VPS53: variants seen among roughly 807,000 people sequenced by gnomAD.
VPS53 encodes the protein vacuolar protein sorting-associated protein 53 homolog.
A neutral mutation model predicts 107.0 loss-of-function variants in VPS53; 70 were observed. That is an observed-to-expected ratio of 0.65 (90% CI 0.54 to 0.80). VPS53 has a LOEUF of 0.80. Ranked by LOEUF, VPS53 falls within the 30% of genes least tolerant of loss-of-function variation. VPS53 has a pLI of 0.00. For missense variants in VPS53, 917 were observed against 1,049.4 expected, an observed-to-expected ratio of 0.87 and a Z score of 1.74; for synonymous variants, 409 against 393.3, an observed-to-expected ratio of 1.04 and a Z score of -0.47.
At chr17:566,760 T>C (rs1391236155) in intron 13 of VPS53, among the ~76,000 whole-genome samples, 3 of 152,116 alleles carry the variant, frequency 2.0e-5, no homozygotes, top group African/African-American at 7.2e-5. Context: ...TTGCTTTTTT[T>C]GGAGACGGAG....
At chr17:622,788 C>A (rs1347249578) in intron 11 of VPS53, among the ~76,000 whole-genome samples, 2 of 151,966 alleles carry the variant, frequency 1.3e-5, no homozygotes. Flanking sequence ...GCAGCCTCAA[C>A]TCCTGGGCTG....
At chr17:620,678 ATTTTTT>A (rs67264596) in intron 11 of VPS53, among the ~76,000 whole-genome samples, 7 of 140,200 alleles carry the variant, frequency 5.0e-5, no homozygotes, top group Non-Finnish European at 7.7e-5. Flanking sequence ...TCTACATTCT[ATTTTTT>A]TTTTTTTTTT....
rs1908079660 is a variant in VPS53 at position 513,548 on chromosome 17, G to A, written c.*5580C>T. ...TATTTTATTTTTAGGAATCTGACTTGGAGTAGACGAGAAGTGTGAGACACT... is the reference window on the plus strand; with the variant it reads ...TATTTTATTTTTAGGAATCTGACTTAGAGTAGACGAGAAGTGTGAGACACT... On this transcript the variant is annotated 3_prime_UTR_variant, in exon 22 of 22. Transcript: ENST00000437048. 1 of 152,246 alleles carries A rather than the reference G, an allele frequency of 6.6e-6. No individual in the cohort carries two copies. The highest frequency in any genetic ancestry group is 2.4e-5 in the African/African-American group (1 of 41,460). 9.4% of individuals were successfully genotyped at this position (152,246 alleles called of 1,614,324 possible). A position where few individuals can be genotyped will look rare whatever the true frequency, so the allele number is the denominator to read the frequency against.
chr17:591,247 C>T (rs1178012533), intron 12 of VPS53, among the ~76,000 whole-genome samples: 2 of 152,134 alleles, frequency 1.3e-5, no homozygotes, highest in South Asian at 2.1e-4. Context: ...TTTTTTATTG[C>T]ATCTATTTGA....
At chr17:587,925 A>C (rs1345071220) in intron 12 of VPS53, among the ~76,000 whole-genome samples, 1 of 152,194 alleles carries the variant, frequency 6.6e-6, no homozygotes, top group Non-Finnish European at 1.5e-5. Flanking sequence ...GAGGATAAGT[A>C]CACACCCACA....
chr17:695,313 T>C (rs1016739019), intron 4 of VPS53, among the ~76,000 whole-genome samples: 2 of 152,282 alleles, frequency 1.3e-5, no homozygotes, highest in East Asian at 1.9e-4. Context: ...ATAAGGTCCA[T>C]GGAAAACATC....
At position 643,183 on chromosome 17, in the gene VPS53, CGAGGACAACACTCATACTTGGCAACT is replaced by C. The variant is rs1970514083; in HGVS notation, c.608+10082_608+10107del. ...GAGGACAACACTCATACTTGGAAAG[CGAGGACAACACTCATACTTGGCAACT>C]GAGGACAACACTCATACTTGGAAAC... On this transcript the variant is annotated intron_variant, in intron 7 of 21. Coordinates refer to ENST00000437048, the MANE Select transcript of VPS53 (RefSeq NM_001128159.3). Among the ~76,000 whole-genome samples, 8 of 60,970 alleles carry C rather than the reference CGAGGACAACACTCATACTTGGCAACT, an allele frequency of 1.3e-4. 2 individuals carry two copies. The highest frequency in any genetic ancestry group is 4.3e-4 in the African/African-American group (7 of 16,418). The allele number at this position is 60,970 out of a possible 152,430, so 40.0% of individuals were successfully genotyped here. A position where few individuals can be genotyped will look rare whatever the true frequency, so the allele number is the denominator to read the frequency against.
chr17:529,691 G>C (rs1437514538), intron 19 of VPS53, among the ~76,000 whole-genome samples: 1 of 152,052 alleles, frequency 6.6e-6, no homozygotes, highest in East Asian at 1.9e-4. Context: ...CTGTGTAGAA[G>C]ACTTGTACAT....
chr17:679,447 G>C (rs953477718), intron 4 of VPS53, among the ~76,000 whole-genome samples: 4 of 152,192 alleles, frequency 2.6e-5, no homozygotes, highest in African/African-American at 9.6e-5. Context: ...CCAGGAGGCG[G>C]AGCTTGCAGT....
chr17:713,913 C>T (rs1973741685), intron 1 of VPS53, among the ~76,000 whole-genome samples: 1 of 150,508 alleles, frequency 6.6e-6, no homozygotes, highest in Non-Finnish European at 1.5e-5. Flanking sequence ...GGTGTGGTGG[C>T]GTGCGCCTGT....
intron 13 of VPS53, among the ~76,000 whole-genome samples, chr17:581,707 T>C (rs1967026537): frequency 6.6e-6 from 1 of 150,538 alleles, no homozygotes. Context: ...CAGAACCTAA[T>C]GCGTTCCTAG....
chr17:668,670 T>C (rs1034324589), intron 4 of VPS53, among the ~76,000 whole-genome samples: 1 of 152,194 alleles, frequency 6.6e-6, no homozygotes, highest in African/African-American at 2.4e-5. Context: ...TCATGTCATG[T>C]TATGGTGACA....
chr17:642,161 C>T (rs1970447086), intron 7 of VPS53, among the ~76,000 whole-genome samples: 1 of 152,240 alleles, frequency 6.6e-6, no homozygotes, highest in African/African-American at 2.4e-5. Context: ...TCCCAAACCA[C>T]AGTCTTCTAA....
chr17:544,360 C>T (rs568016060), intron 17 of VPS53, among the ~76,000 whole-genome samples: 12 of 152,172 alleles, frequency 7.9e-5, no homozygotes, highest in Non-Finnish European at 1.6e-4. Flanking sequence ...AACATCTGGT[C>T]GGGCACGATG....
intron 2 of VPS53, among the ~76,000 whole-genome samples, chr17:704,805 G>A (rs1306093181): frequency 6.6e-6 from 1 of 152,186 alleles, no homozygotes; most frequent in East Asian, 1.9e-4. Flanking sequence ...CACAAGAGGT[G>A]AGAACCTGGT....
intron 17 of VPS53, among the ~76,000 whole-genome samples, chr17:548,918 G>A (rs376280653): frequency 1.3e-5 from 2 of 152,086 alleles, no homozygotes; most frequent in African/African-American, 2.4e-5. Flanking sequence ...TCCTTACGAG[G>A]GCCTTCTTTG....
rs570911312 is a variant in VPS53, at chr17:620,402, G to A, written c.1116+3131C>T. On this transcript the variant is annotated intron_variant, in intron 11 of 21. Transcript: ENST00000437048. The stretch of plus-strand genomic sequence containing the variant: ...CAGGGTTTTAGGACCAGAAGGGTAG[G>A]AGCTAGAGAAGGTGGCAGAGGTGAA... 1.2e-3 allele frequency among the ~76,000 whole-genome samples: 184 copies of A among 152,248 alleles called. 1 individual carries two copies. The highest frequency in any genetic ancestry group is 1.8e-3 in the Non-Finnish European group (122 of 68,044).
At chr17:628,875 G>A (rs1389832681) in intron 8 of VPS53, among the ~76,000 whole-genome samples, 6 of 152,320 alleles carry the variant, frequency 3.9e-5, no homozygotes, top group East Asian at 1.9e-4. Context: ...CTGTACTGAC[G>A]CATCACGACG....
At position 679,194 on chromosome 17, in the gene VPS53, T is replaced by C. The variant is rs534629677; in HGVS notation, c.286-17299A>G. ...GGCTGTTTTAATCTAGGATTGGGGG[T>C]GTGGGAAAGAGAAAACATAAAATTA... is the stretch of plus-strand genomic sequence containing the variant. On this transcript the variant is annotated intron_variant, in intron 4 of 21. Coordinates refer to ENST00000437048, the MANE Select transcript of VPS53 (RefSeq NM_001128159.3). Among the ~76,000 whole-genome samples, 7 of 151,396 alleles carry C rather than the reference T, an allele frequency of 4.6e-5. No homozygotes were observed. In the East Asian group the frequency reaches 1.4e-3, roughly 29 times the overall value.
Sources: allele counts gnomAD v4.1 joint callset (sites outside exome capture counted in the v4.1 genomes callset), GRCh38; gene constraint gnomAD v4.1.1; transcripts MANE v1.5; gene names NCBI Gene and HGNC (gene_info 2026-07-23, HGNC 2026-07-21).